The following CSMD1 variants were observed in gnomAD, a reference collection of about 807,000 sequenced individuals.
CSMD1 encodes CUB and sushi domain-containing protein 1.
A neutral mutation model predicts 417.5 loss-of-function variants in CSMD1; 213 were observed. That is an observed-to-expected ratio of 0.51 (90% CI 0.46 to 0.57). The LOEUF (loss-of-function observed/expected upper bound fraction) is 0.57. CSMD1 is among the 20% of genes least tolerant of loss of function. The pLI, the probability that CSMD1 is intolerant of heterozygous loss-of-function variation, is 0.00. For missense variants in CSMD1, 6,923 were observed against 4,529.7 expected (o/e 1.53, Z -15.17); for synonymous variants, 2,862 against 1,736.8 (o/e 1.65, Z -16.11).
At chr8:4,276,831 A>G (rs967798614) in intron 3 of CSMD1, among the ~76,000 whole-genome samples, 2 of 152,308 alleles carry the variant, frequency 1.3e-5, no homozygotes, top group South Asian at 2.1e-4. Context: ...TCTTTTCAGA[A>G]ATACAATAAA....
At chr8:3,413,350 T>C (rs145311317) in intron 12 of CSMD1, among the ~76,000 whole-genome samples, 83 of 152,262 alleles carry the variant, frequency 5.5e-4, no homozygotes, top group Non-Finnish European at 1.0e-3. Context: ...TCTTTCTGCT[T>C]TCCATGCTGA....
intron 2 of CSMD1, among the ~76,000 whole-genome samples, chr8:4,547,592 C>G (rs1218641639): frequency 6.6e-6 from 1 of 152,118 alleles, no homozygotes; most frequent in South Asian, 2.1e-4. Flanking sequence ...CAAGTAATGC[C>G]TGTGTCATTC....
chr8:3,387,474 C>T lies in CSMD1; in HGVS notation c.2782+20G>A. The T allele has an allele frequency of 2.5e-6, 4 of 1,575,600 alleles. No individual in the cohort carries two copies. Among genetic ancestry groups the T allele is most frequent in the Non-Finnish European group, 3.5e-6 (4 of 1,159,036 alleles). On this transcript the variant is annotated intron_variant, in intron 18 of 69. Coordinates refer to ENST00000635120, the MANE Select transcript of CSMD1 (RefSeq NM_033225.6). ...CTCTGCACACCCTGCTGGTGCATTG[C>T]CTCACTGAGCTGTACCTACCGTCGC...
intron 26 of CSMD1, among the ~76,000 whole-genome samples, chr8:3,233,159 G>T (rs1585733493): frequency 6.6e-6 from 1 of 150,856 alleles, no homozygotes; most frequent in African/African-American, 2.4e-5. Flanking sequence ...TTGACTATTT[G>T]TCTCCTCAAA....
At chr8:4,397,765 A>G (rs1275766331) in intron 3 of CSMD1, among the ~76,000 whole-genome samples, 2 of 152,232 alleles carry the variant, frequency 1.3e-5, no homozygotes, top group Middle Eastern at 6.8e-3. Context: ...ACATGAAGGG[A>G]AAAACCTTAA....
intron 5 of CSMD1, among the ~76,000 whole-genome samples, chr8:3,978,561 G>C (rs1039174289): frequency 5.3e-5 from 8 of 152,200 alleles, no homozygotes; most frequent in African/African-American, 1.7e-4. Context: ...CAAAAATATA[G>C]ATCCTCATAG....
intron 3 of CSMD1, among the ~76,000 whole-genome samples, chr8:4,153,549 G>A (rs1317352699): frequency 2.0e-5 from 3 of 152,154 alleles, no homozygotes; most frequent in Admixed American, 6.5e-5. Context: ...CGTCAGCAGC[G>A]GCCTCCACGC....
At chr8:3,662,036 C>G (rs1424002378) in intron 7 of CSMD1, among the ~76,000 whole-genome samples, 1 of 151,930 alleles carries the variant, frequency 6.6e-6, no homozygotes, top group East Asian at 1.9e-4. Context: ...TACTCGAAGT[C>G]GTAGAAAACA....
At chr8:3,494,350 T>G (rs1796271362) in intron 10 of CSMD1, among the ~76,000 whole-genome samples, 1 of 152,214 alleles carries the variant, frequency 6.6e-6, no homozygotes, top group Non-Finnish European at 1.5e-5. Context: ...AACTTCTTTC[T>G]GTAGAGCACA....
intron 50 of CSMD1, among the ~76,000 whole-genome samples, chr8:3,046,086 T>C (rs1235191140): frequency 6.6e-6 from 1 of 152,104 alleles, no homozygotes; most frequent in Non-Finnish European, 1.5e-5. Context: ...AAAGAGAAGT[T>C]TGTGAATTTT....
chr8:4,297,945 C>T (rs1797774137), intron 3 of CSMD1, among the ~76,000 whole-genome samples: 1 of 152,082 alleles, frequency 6.6e-6, no homozygotes, highest in Non-Finnish European at 1.5e-5. Context: ...AAATAAAAGG[C>T]TAGGTGACGG....
At chr8:4,755,751 G>C (rs1811627419) in intron 1 of CSMD1, among the ~76,000 whole-genome samples, 1 of 152,226 alleles carries the variant, frequency 6.6e-6, no homozygotes, top group Non-Finnish European at 1.5e-5. Flanking sequence ...CATATTCATT[G>C]CTTTTTGAAT....
Position 3,758,368 on chromosome 8 carries a change from G to A in CSMD1, c.819-4326C>T, listed in dbSNP as rs151201887. Among the ~76,000 whole-genome samples the A allele has an allele frequency of 1.3e-4, 20 of 152,252 alleles. No individual in the cohort carries two copies. The East Asian group carries it at 3.5e-3, about 26-fold the overall frequency. ...TTCAAATGAATTGTACCCCGAAGTC[G>A]ATTTTTGTACATGAATTTCCTGATT... On this transcript the variant is annotated intron_variant, in intron 5 of 69. Transcript: ENST00000635120.
chr8:4,073,352 C>T (rs914371951), intron 3 of CSMD1, among the ~76,000 whole-genome samples: 16 of 152,002 alleles, frequency 1.1e-4, no homozygotes, highest in African/African-American at 3.9e-4. Context: ...AGTTCTTAGT[C>T]ACATAAGAGC....
intron 1 of CSMD1, among the ~76,000 whole-genome samples, chr8:4,977,772 G>A (rs1023871969): frequency 1.3e-5 from 2 of 152,220 alleles, no homozygotes. Flanking sequence ...AGAGATGAAT[G>A]CATTGAAAGT....
At chr8:4,093,501 C>G (rs562541289) in intron 3 of CSMD1, among the ~76,000 whole-genome samples, 1 of 152,240 alleles carries the variant, frequency 6.6e-6, no homozygotes, top group East Asian at 1.9e-4. Context: ...TATGTTAGCT[C>G]ATGATTCAAA....
intron 2 of CSMD1, among the ~76,000 whole-genome samples, chr8:4,524,108 C>T (rs767409928): frequency 9.2e-5 from 14 of 152,060 alleles, no homozygotes; most frequent in Non-Finnish European, 1.5e-4. Context: ...CAAGAAAAAA[C>T]TCCCCAGGCA....
intron 7 of CSMD1, among the ~76,000 whole-genome samples, chr8:3,704,195 G>A (rs541087263): frequency 5.3e-5 from 8 of 152,230 alleles, no homozygotes; most frequent in South Asian, 4.2e-4. Context: ...AGATGCAGCC[G>A]GCCTGAAAAA....
intron 2 of CSMD1, among the ~76,000 whole-genome samples, chr8:4,469,099 G>C (rs559559874): frequency 1.3e-5 from 2 of 152,268 alleles, no homozygotes; most frequent in South Asian, 4.1e-4. Context: ...CCTGTTTGAA[G>C]AGTTTGGTGT....
Sources: allele counts gnomAD v4.1 joint callset (sites outside exome capture counted in the v4.1 genomes callset), GRCh38; gene constraint gnomAD v4.1.1; transcripts MANE v1.5; gene names NCBI Gene and HGNC (gene_info 2026-07-23, HGNC 2026-07-21).